The following TRIM37 variants were observed in gnomAD, a reference collection of about 807,000 sequenced individuals.
TRIM37 encodes the protein tripartite motif containing 37.
In TRIM37, 80 loss-of-function variants were observed where a neutral mutation model predicts 129.8. That is an observed-to-expected ratio of 0.62 (90% confidence interval 0.51 to 0.74). The LOEUF (loss-of-function observed/expected upper bound fraction) is 0.74. Among genes scored for constraint, TRIM37 ranks in the 30% least tolerant of loss-of-function variants. The pLI is 0.00. For synonymous variants in TRIM37, 389 were observed against 387.1 expected, an observed-to-expected ratio of 1.00 and a Z score of -0.06; for missense variants, 1,054 against 1,176.5, an observed-to-expected ratio of 0.90 and a Z score of 1.52.
chr17:59,106,869 G>A lies in TRIM37; in HGVS notation c.-408C>T, dbSNP rs999863295. On this transcript the variant is annotated 5_prime_UTR_variant, in exon 1 of 24. Coordinates refer to ENST00000262294, the MANE Select transcript of TRIM37 (RefSeq NM_015294.6). ...CCAGAGCAGCTGGGGGCGCGGCGGCGAGAGAAGCTGCGAAGCGCATGCGCG... is the reference window on the plus strand; with the variant it reads ...CCAGAGCAGCTGGGGGCGCGGCGGCAAGAGAAGCTGCGAAGCGCATGCGCG... 9 of 326,846 alleles carry A rather than the reference G, an allele frequency of 2.8e-5. No individual in the cohort carries two copies. Among genetic ancestry groups the A allele is most frequent in the Non-Finnish European group, 4.6e-5 (8 of 175,696 alleles). 20.2% of individuals were successfully genotyped at this position (326,846 alleles called of 1,614,324 possible). A position where few individuals can be genotyped will look rare whatever the true frequency, so the allele number is the denominator to read the frequency against.
At chr17:59,026,582 C>G (rs2037271778) in intron 19 of TRIM37, among the ~76,000 whole-genome samples, 1 of 152,130 alleles carries the variant, frequency 6.6e-6, no homozygotes, top group African/African-American at 2.4e-5. Context: ...CAACCCAACC[C>G]AATTTTAAAA....
intron 8 of TRIM37, among the ~76,000 whole-genome samples, chr17:59,075,298 T>C (rs2042710357): frequency 6.6e-6 from 1 of 151,786 alleles, no homozygotes; most frequent in South Asian, 2.1e-4. Flanking sequence ...GCACGGTGGC[T>C]CACGCCTGTA....
the TRIM37 span, among the ~76,000 whole-genome samples, chr17:58,970,932 ATTCT>A: frequency 3.3e-5 from 5 of 151,750 alleles, no homozygotes; most frequent in African/African-American, 2.4e-5. Flanking sequence ...CCTCTATTCT[ATTCT>A]TTTTTTCCTC....
chr17:59,086,365 A>C (rs2043754251), intron 4 of TRIM37, among the ~76,000 whole-genome samples: 1 of 151,922 alleles, frequency 6.6e-6, no homozygotes, highest in Non-Finnish European at 1.5e-5. Flanking sequence ...CAGCCTCCCA[A>C]GTAGCTGGGA....
intron 2 of TRIM37, among the ~76,000 whole-genome samples, chr17:59,100,125 C>T (rs2045323296): frequency 6.6e-6 from 1 of 152,130 alleles, no homozygotes; most frequent in Admixed American, 6.6e-5. Flanking sequence ...TCCCCAGTGT[C>T]TAGCATTTCC....
intron 20 of TRIM37, among the ~76,000 whole-genome samples, chr17:59,016,322 G>A (rs368106158): frequency 8.0e-5 from 12 of 150,218 alleles, no homozygotes; most frequent in African/African-American, 2.7e-4. Context: ...TGAACACGGC[G>A]GGCGGAGGTT....
intron 8 of TRIM37, among the ~76,000 whole-genome samples, chr17:59,075,262 C>T (rs2042705777): frequency 6.6e-6 from 1 of 151,014 alleles, no homozygotes; most frequent in Non-Finnish European, 1.5e-5. Flanking sequence ...AAAAAAAAAA[C>T]GTTTATAATA....
At chr17:59,079,201 G>A (rs2043062753) in intron 7 of TRIM37, among the ~76,000 whole-genome samples, 1 of 152,074 alleles carries the variant, frequency 6.6e-6, no homozygotes, top group African/African-American at 2.4e-5. Flanking sequence ...ACAAACCATA[G>A]CATTGGATTA....
intron 16 of TRIM37, among the ~76,000 whole-genome samples, chr17:59,044,087 G>A (rs770797429): frequency 1.3e-5 from 2 of 152,170 alleles, no homozygotes; most frequent in African/African-American, 4.8e-5. Flanking sequence ...CTTGAGCCTA[G>A]GAGCTCCGGG....
chr17:59,042,150 G>A (rs2039234899), intron 16 of TRIM37, among the ~76,000 whole-genome samples: 1 of 151,616 alleles, frequency 6.6e-6, no homozygotes, highest in Admixed American at 6.6e-5. Context: ...GCTGAGGCAG[G>A]CGGATCACGA....
chr17:59,025,638 T>C (rs951696477), intron 19 of TRIM37, among the ~76,000 whole-genome samples: 3 of 152,074 alleles, frequency 2.0e-5, no homozygotes, highest in Non-Finnish European at 2.9e-5. Flanking sequence ...TATACGAAAG[T>C]TGGCCCTCCT....
chr17:59,092,440 T>C (rs948652922), intron 2 of TRIM37, among the ~76,000 whole-genome samples: 7 of 151,310 alleles, frequency 4.6e-5, no homozygotes, highest in South Asian at 2.1e-4. Context: ...AGTTCAGTAA[T>C]TGAAGCTTCT....
intron 16 of TRIM37, among the ~76,000 whole-genome samples, chr17:59,046,982 G>C (rs1187697590): frequency 6.6e-6 from 1 of 151,406 alleles, no homozygotes; most frequent in East Asian, 2.0e-4. Flanking sequence ...GTGAAACCCC[G>C]TCTCTACTAA....
intron 9 of TRIM37, among the ~76,000 whole-genome samples, chr17:59,066,841 T>A (rs2041955118): frequency 6.6e-6 from 1 of 152,206 alleles, no homozygotes; most frequent in African/African-American, 2.4e-5. Context: ...TTCTAAATCA[T>A]AATTATAAAC....
At position 59,052,275 on chromosome 17, in the gene TRIM37, C is replaced by A. The variant is rs541442406; in HGVS notation, c.1200-947G>T. On this transcript the variant is annotated intron_variant, in intron 13 of 23. Transcript: ENST00000262294. ...CCTCTACCTTTGTTACATAGCCTAA[C>A]GTGACTATATTTAAGGTGAAAAAAT... 4.7e-5 allele frequency among the ~76,000 whole-genome samples: 7 copies of A among 149,982 alleles called. No individual in the cohort carries two copies. In the South Asian group the frequency reaches 1.5e-3, roughly 32 times the overall value.
intron 19 of TRIM37, among the ~76,000 whole-genome samples, chr17:59,018,428 A>G (rs1228079932): frequency 3.3e-5 from 5 of 152,350 alleles, no homozygotes; most frequent in Middle Eastern, 3.4e-3. Flanking sequence ...AGGATATAAG[A>G]CAAAATAACT....
At chr17:58,982,963 C>A in intron 24 of TRIM37, 1 of 1,535,632 alleles carries the variant, frequency 6.5e-7, no homozygotes, top group Non-Finnish European at 8.9e-7. Flanking sequence ...TATTGGTACA[C>A]ATTATAGTCC....
At chr17:59,074,584 GCTA>G (rs1436550712) in intron 8 of TRIM37, among the ~76,000 whole-genome samples, 1 of 152,148 alleles carries the variant, frequency 6.6e-6, no homozygotes, top group African/African-American at 2.4e-5. Context: ...TTCCTGGAAA[GCTA>G]CTGAGGGAAG....
chr17:59,029,466 T>A (rs1467938315), intron 18 of TRIM37, among the ~76,000 whole-genome samples: 1 of 152,220 alleles, frequency 6.6e-6, no homozygotes, highest in Non-Finnish European at 1.5e-5. Context: ...TACCACTATA[T>A]GTACCTTAAA....
Sources: allele counts gnomAD v4.1 joint callset (sites outside exome capture counted in the v4.1 genomes callset), GRCh38; gene constraint gnomAD v4.1.1; transcripts MANE v1.5; gene names NCBI Gene and HGNC (gene_info 2026-07-23, HGNC 2026-07-21).